MNAT1: variants seen among roughly 807,000 people sequenced by gnomAD.
MNAT1 encodes CDK-activating kinase assembly factor MAT1.
A neutral mutation model predicts 42.0 loss-of-function variants in MNAT1; 43 were observed. That is an observed-to-expected ratio of 1.02 (90% confidence interval 0.80 to 1.32). The LOEUF is 1.32. MNAT1 is among the 40% of genes most tolerant of loss of function. The pLI is 0.00. For missense variants in MNAT1, 306 were observed against 350.4 expected (o/e 0.87, Z 1.01); for synonymous variants, 118 against 120.0 (o/e 0.98, Z 0.11).
chr14:60,909,021 G>T (rs1485517443), intron 7 of MNAT1, among the ~76,000 whole-genome samples: 1 of 152,150 alleles, frequency 6.6e-6, no homozygotes, highest in Non-Finnish European at 1.5e-5. Context: ...CATTCTAACT[G>T]GTGTGAGATG....
chr14:60,858,981 A>G (rs947069808), intron 6 of MNAT1, among the ~76,000 whole-genome samples: 6 of 152,220 alleles, frequency 3.9e-5, no homozygotes, highest in African/African-American at 7.2e-5. Flanking sequence ...CGAACCTGCA[A>G]TATCTCCGAA....
chr14:60,852,623 G>A (rs769290274), intron 6 of MNAT1, among the ~76,000 whole-genome samples: 15 of 152,120 alleles, frequency 9.9e-5, no homozygotes, highest in Admixed American at 3.9e-4. Context: ...CTTTGCCTAT[G>A]CCTATATGAT....
chr14:60,909,538 A>G (rs1402706244), intron 7 of MNAT1, among the ~76,000 whole-genome samples: 1 of 152,214 alleles, frequency 6.6e-6, no homozygotes, highest in Non-Finnish European at 1.5e-5. Flanking sequence ...AGCTTTCTAC[A>G]TATGGTTAGC....
At chr14:60,957,613 C>T (rs1183046909) in intron 7 of MNAT1, among the ~76,000 whole-genome samples, 6 of 152,082 alleles carry the variant, frequency 3.9e-5, no homozygotes, top group African/African-American at 7.2e-5. Flanking sequence ...GGGAAACAGC[C>T]GAACCATATC....
intron 6 of MNAT1, among the ~76,000 whole-genome samples, chr14:60,837,225 G>GTGAA (rs2033417127): frequency 6.6e-6 from 1 of 152,186 alleles, no homozygotes; most frequent in African/African-American, 2.4e-5. Flanking sequence ...TTCCAGGGGA[G>GTGAA]TGAATGGTTC....
At chr14:60,949,453 G>A (rs1442017697) in intron 7 of MNAT1, among the ~76,000 whole-genome samples, 9 of 152,068 alleles carry the variant, frequency 5.9e-5, no homozygotes, top group Admixed American at 5.2e-4. Context: ...ACTGAAGCAG[G>A]TTCTGTAAAA....
At chr14:60,847,981 T>G (rs1165057390) in intron 6 of MNAT1, among the ~76,000 whole-genome samples, 1 of 152,156 alleles carries the variant, frequency 6.6e-6, no homozygotes, top group Admixed American at 6.5e-5. Flanking sequence ...GAGAGAAAAG[T>G]TTTTATTCAG....
intron 7 of MNAT1, among the ~76,000 whole-genome samples, chr14:60,893,447 A>ATTTGTTTTCCTG (rs1403014420): frequency 1.3e-5 from 2 of 151,918 alleles, no homozygotes; most frequent in Non-Finnish European, 1.5e-5. Flanking sequence ...CTCATGATAC[A>ATTTGTTTTCCTG]TTTGTTTTCC....
intron 6 of MNAT1, among the ~76,000 whole-genome samples, chr14:60,854,493 G>T (rs1328264052): frequency 6.6e-6 from 1 of 152,060 alleles, no homozygotes. Flanking sequence ...TTTGTGTGTG[G>T]GTCCTTTATG....
chr14:60,841,226 C>G (rs1318529952), intron 6 of MNAT1, among the ~76,000 whole-genome samples: 2 of 151,650 alleles, frequency 1.3e-5, no homozygotes, highest in Non-Finnish European at 2.9e-5. Flanking sequence ...ACACCTTTCT[C>G]TCTCACTCTC....
At chr14:60,776,643 A>G (rs778444787) in intron 1 of MNAT1, among the ~76,000 whole-genome samples, 28 of 152,278 alleles carry the variant, frequency 1.8e-4, no homozygotes, top group Non-Finnish European at 3.2e-4. Context: ...CAGAACTAGT[A>G]TCACTGATTG....
chr14:60,857,726 C>A (rs1022556330), intron 6 of MNAT1, among the ~76,000 whole-genome samples: 11 of 151,712 alleles, frequency 7.3e-5, no homozygotes, highest in Non-Finnish European at 1.3e-4. Flanking sequence ...CCTCCCCCAG[C>A]CCCCCATCCC....
At chr14:60,911,377 G>C (rs1057105620) in intron 7 of MNAT1, among the ~76,000 whole-genome samples, 1 of 152,068 alleles carries the variant, frequency 6.6e-6, no homozygotes, top group Non-Finnish European at 1.5e-5. Flanking sequence ...TTTTGAATGT[G>C]TTTGCTCTTG....
At chr14:60,831,561 T>A (rs988263987) in intron 6 of MNAT1, among the ~76,000 whole-genome samples, 3 of 152,228 alleles carry the variant, frequency 2.0e-5, no homozygotes, top group African/African-American at 7.2e-5. Context: ...CCACATTTTC[T>A]TCATCCAGTC....
intron 6 of MNAT1, among the ~76,000 whole-genome samples, chr14:60,823,837 C>T (rs768964253): frequency 1.3e-5 from 2 of 151,668 alleles, no homozygotes; most frequent in Non-Finnish European, 2.9e-5. Flanking sequence ...CTAGCCTGGG[C>T]AACAAAGTGA....
intron 6 of MNAT1, among the ~76,000 whole-genome samples, chr14:60,862,669 A>G (rs1020628387): frequency 6.6e-6 from 1 of 152,232 alleles, no homozygotes; most frequent in Non-Finnish European, 1.5e-5. Context: ...TCAAAAATCA[A>G]TGTTAACTTA....
chr14:60,808,282 T>C (rs1448496994), intron 3 of MNAT1, 43 bp from the exon 4 acceptor site: 5 of 1,227,836 alleles, frequency 4.1e-6, no homozygotes, highest in Non-Finnish European at 5.7e-6. Context: ...TCAAGATTTA[T>C]ATTAAAAATA....
At chr14:60,883,933 C>T (rs2034606226) in intron 7 of MNAT1, among the ~76,000 whole-genome samples, 1 of 152,102 alleles carries the variant, frequency 6.6e-6, no homozygotes. Context: ...TGCAACTTTA[C>T]TCAATTTGTT....
intron 1 of MNAT1, among the ~76,000 whole-genome samples, chr14:60,755,810 G>A (rs2030325683): frequency 6.6e-6 from 1 of 152,118 alleles, no homozygotes; most frequent in Non-Finnish European, 1.5e-5. Context: ...GTCATATATA[G>A]TCCAATAAGA....
Sources: gnomAD v4.1 joint callset for allele counts (sites outside exome capture counted in the v4.1 genomes callset) on GRCh38, gnomAD v4.1.1 for gene constraint, MANE v1.5 for transcripts, NCBI Gene and HGNC (gene_info 2026-07-23, HGNC 2026-07-21) for gene names.